ARL15: variants seen among roughly 807,000 people sequenced by gnomAD.
ARL15 encodes ARF like GTPase 15.
In ARL15, 19 loss-of-function variants were observed where a neutral mutation model predicts 25.2. The ratio of observed to expected loss-of-function variants is 0.75; its 90% CI spans 0.53 to 1.10. The LOEUF is 1.10. ARL15 is among the 50% of genes least tolerant of loss of function. ARL15 has a pLI of 0.00. For missense variants in ARL15, 220 were observed against 246.0 expected, an observed-to-expected ratio of 0.89 and a Z score of 0.71; for synonymous variants, 94 against 86.8, an observed-to-expected ratio of 1.08 and a Z score of -0.46.
intron 1 of ARL15, among the ~76,000 whole-genome samples, chr5:54,253,394 T>A (rs960412020): frequency 1.3e-5 from 2 of 151,938 alleles, no homozygotes; most frequent in Non-Finnish European, 2.9e-5. Flanking sequence ...TGTAACCCCA[T>A]GTAATCAACA....
At chr5:54,108,394 G>A (rs1752648485) in intron 4 of ARL15, among the ~76,000 whole-genome samples, 1 of 152,142 alleles carries the variant, frequency 6.6e-6, no homozygotes, top group Admixed American at 6.6e-5. Context: ...ACTGCTCCAT[G>A]TGAAATCAAA....
intron 4 of ARL15, among the ~76,000 whole-genome samples, chr5:54,072,265 C>CCA (rs1473381189): frequency 6.6e-6 from 1 of 152,208 alleles, no homozygotes; most frequent in Non-Finnish European, 1.5e-5. Context: ...CCAGTTCTCT[C>CCA]CACACACGGG....
intron 2 of ARL15, among the ~76,000 whole-genome samples, chr5:54,170,231 T>C (rs889157371): frequency 2.0e-5 from 3 of 152,132 alleles, no homozygotes; most frequent in Admixed American, 6.6e-5. Flanking sequence ...ATATCCTACC[T>C]ATTCCTTCCT....
At chr5:53,888,347 C>T (rs1174695708) in intron 4 of ARL15, among the ~76,000 whole-genome samples, 2 of 151,938 alleles carry the variant, frequency 1.3e-5, no homozygotes, top group Non-Finnish European at 1.5e-5. Context: ...ATGGTAGGAA[C>T]ACAGCTCACT....
chr5:54,076,423 GAAAAAA>G (rs911175651), intron 4 of ARL15, among the ~76,000 whole-genome samples: 17 of 100,426 alleles, frequency 1.7e-4, no homozygotes, highest in Non-Finnish European at 3.0e-4. Flanking sequence ...TCCGTCTCAA[GAAAAAA>G]AAAAAGAAAA....
intron 3 of ARL15, among the ~76,000 whole-genome samples, chr5:54,119,284 T>C (rs279743): frequency 0.39 from 58,875 of 151,934 alleles, 12,250 homozygotes; most frequent in Admixed American, 0.47. Flanking sequence ...ATGGGTTCAT[T>C]TGAGGAGTTT....
intron 1 of ARL15, among the ~76,000 whole-genome samples, chr5:54,193,202 C>T (rs1300352442): frequency 1.3e-5 from 2 of 152,182 alleles, no homozygotes; most frequent in Non-Finnish European, 2.9e-5. Flanking sequence ...TTCCTTCTTT[C>T]TATATTTCCT....
chr5:54,213,341 C>A (rs1351367925), intron 1 of ARL15, among the ~76,000 whole-genome samples: 1 of 152,150 alleles, frequency 6.6e-6, no homozygotes, highest in Non-Finnish European at 1.5e-5. Flanking sequence ...TCTAGCTAGA[C>A]GACTAACTGA....
intron 4 of ARL15, among the ~76,000 whole-genome samples, chr5:53,964,564 G>A (rs528966444): frequency 6.6e-6 from 1 of 152,092 alleles, no homozygotes; most frequent in Non-Finnish European, 1.5e-5. Flanking sequence ...GCTTCACCGT[G>A]TTAGCCAGGA....
At chr5:53,937,057 C>T (rs1311558844) in intron 4 of ARL15, among the ~76,000 whole-genome samples, 1 of 152,130 alleles carries the variant, frequency 6.6e-6, no homozygotes, top group Non-Finnish European at 1.5e-5. Context: ...TACAAATTCC[C>T]CCAAGGGAAC....
At chr5:53,958,668 A>G (rs1747253987) in intron 4 of ARL15, among the ~76,000 whole-genome samples, 1 of 152,216 alleles carries the variant, frequency 6.6e-6, no homozygotes, top group Non-Finnish European at 1.5e-5. Flanking sequence ...TACTGTTTAT[A>G]AGAAACTCAC....
At chr5:54,193,948 T>C (rs1457581351) in intron 1 of ARL15, among the ~76,000 whole-genome samples, 2 of 152,044 alleles carry the variant, frequency 1.3e-5, no homozygotes. Context: ...TATTAAATAA[T>C]TGGGGGCATG....
chr5:54,273,735 C>G lies in ARL15; in HGVS notation c.48+36697G>C, dbSNP rs577220667. Among the ~76,000 whole-genome samples, 257 of 152,210 alleles carry G rather than the reference C, an allele frequency of 1.7e-3. 2 individuals are homozygous for G. Among genetic ancestry groups the G allele is most frequent in the African/African-American group, 6.0e-3 (249 of 41,546 alleles). ...ATTATACCGAGTTCAATGAGTTCAT[C>G]TATAAAAGCCTTAGCACAGACACTG... On this transcript the variant is annotated intron_variant, in intron 1 of 4. Transcript: ENST00000504924.
intron 2 of ARL15, among the ~76,000 whole-genome samples, chr5:54,166,124 C>A (rs1431134123): frequency 6.6e-6 from 1 of 152,070 alleles, no homozygotes; most frequent in Non-Finnish European, 1.5e-5. Context: ...TATTCTTTAT[C>A]ACCGGTTTTG....
intron 1 of ARL15, among the ~76,000 whole-genome samples, chr5:54,226,173 G>T (rs1382501281): frequency 6.6e-6 from 1 of 152,196 alleles, no homozygotes. Flanking sequence ...GCCAACAGCT[G>T]ACACGGTGGA....
At chr5:54,052,395 G>T (rs1750729513) in intron 4 of ARL15, among the ~76,000 whole-genome samples, 1 of 152,246 alleles carries the variant, frequency 6.6e-6, no homozygotes, top group South Asian at 2.1e-4. Context: ...AAGTATTGGG[G>T]TATAAAGTGC....
In ARL15 at chr5:54,139,786, C is replaced by T. The variant is rs547448508; in HGVS notation, c.253+14794G>A. ...GGTGGAGGCTGCAGTGAGCTGAGAT[C>T]GTCCCACTGCACTCCAGCCTGGGCA... On this transcript the variant is annotated intron_variant, in intron 3 of 4. Transcript: ENST00000504924. 7.2e-5 allele frequency among the ~76,000 whole-genome samples: 11 copies of T among 152,086 alleles called. No homozygotes were observed. In the South Asian group the frequency reaches 2.3e-3, roughly 32 times the overall value.
At chr5:54,092,828 T>C (rs1752171953) in intron 4 of ARL15, among the ~76,000 whole-genome samples, 1 of 152,332 alleles carries the variant, frequency 6.6e-6, no homozygotes, top group South Asian at 2.1e-4. Flanking sequence ...ACACTGATAC[T>C]AATTTTCAAA....
At chr5:54,063,109 G>A (rs1751117329) in intron 4 of ARL15, among the ~76,000 whole-genome samples, 1 of 152,180 alleles carries the variant, frequency 6.6e-6, no homozygotes, top group Non-Finnish European at 1.5e-5. Flanking sequence ...TAGGATGTCA[G>A]GAAGAGAGAG....
Sources: gnomAD v4.1 joint callset for allele counts (sites outside exome capture counted in the v4.1 genomes callset) on GRCh38, gnomAD v4.1.1 for gene constraint, MANE v1.5 for transcripts, NCBI Gene and HGNC (gene_info 2026-07-23, HGNC 2026-07-21) for gene names.